The following EFCAB8 variants were observed in gnomAD, a reference collection of about 807,000 sequenced individuals.
EFCAB8 encodes EF-hand calcium binding domain 8.
A neutral mutation model predicts 116.3 loss-of-function variants in EFCAB8; 100 were observed. That is an observed-to-expected ratio of 0.86 (90% CI 0.73 to 1.02). The LOEUF is 1.02. Among genes scored for constraint, EFCAB8 ranks in the 50% least tolerant of loss-of-function variants. The pLI is 0.00. For synonymous variants in EFCAB8, 558 were observed against 567.9 expected, an observed-to-expected ratio of 0.98 and a Z score of 0.25; for missense variants, 1,320 against 1,416.9, an observed-to-expected ratio of 0.93 and a Z score of 1.10.
chr20:32,869,339 G>A (rs1984578085), intron 3 of EFCAB8, among the ~76,000 whole-genome samples: 2 of 151,986 alleles, frequency 1.3e-5, no homozygotes, highest in Admixed American at 6.6e-5. Context: ...TGGTTCAAGC[G>A]ATTCTCCTGT....
Position 32,961,352 on chromosome 20 carries a change from T to C in EFCAB8, c.3610T>C (p.Ser1204Pro). 1 of 1,476,196 alleles carries C rather than the reference T, an allele frequency of 6.8e-7. No individual in the cohort carries two copies. The highest frequency in any genetic ancestry group is 1.4e-5 in the African/African-American group (1 of 70,532). 91.4% of individuals were successfully genotyped at this position (1,476,196 alleles called of 1,614,324 possible). A position where few individuals can be genotyped will look rare whatever the true frequency, so the allele number is the denominator to read the frequency against. Residue 1204 changes from serine (S) to proline (P), a missense_variant, in exon 27 of 27, where the codon TCT becomes CCT. Transcript: ENST00000400522. ...CGCCTCCTCCCCATCTTCCTTGTTA[T>C]CTGTCACTGCCTCAGCCTCCAGGCT... is the stretch of plus-strand genomic sequence containing the variant. Reference protein sequence around the residue: ...AAASSPSSLLSVTASASRLLD... With the variant: ...AAASSPSSLLPVTASASRLLD...
chr20:32,961,183 G>A lies in EFCAB8; in HGVS notation c.3441G>A (p.Pro1147=), dbSNP rs778946040. 4.6e-5 allele frequency: 72 copies of A among 1,552,218 alleles called. No homozygotes were observed. The highest frequency in any genetic ancestry group is 5.9e-5 in the Non-Finnish European group (68 of 1,147,106). ...YQSLHFSDLM[P]TQQPDFLTSR... ...GCCTGCACTTCAGTGATCTGATGCC[G>A]ACTCAGCAGCCTGACTTCCTGACCA... Residue 1147 remains proline, a synonymous_variant, in exon 27 of 27, where the codon CCG becomes CCA. Transcript: ENST00000400522.
At chr20:32,936,300 C>G (rs933886498) in intron 22 of EFCAB8, among the ~76,000 whole-genome samples, 3 of 152,196 alleles carry the variant, frequency 2.0e-5, no homozygotes, top group African/African-American at 7.2e-5. Flanking sequence ...TCCCAAAGTG[C>G]TGGGATTACA....
chr20:32,926,172 G>A (rs1402204852), intron 20 of EFCAB8, among the ~76,000 whole-genome samples: 1 of 152,212 alleles, frequency 6.6e-6, no homozygotes, highest in Non-Finnish European at 1.5e-5. Context: ...TGGGAAGGAT[G>A]CCTCAGCTTT....
chr20:32,904,902 C>T (rs774320646), intron 11 of EFCAB8, among the ~76,000 whole-genome samples: 1 of 152,214 alleles, frequency 6.6e-6, no homozygotes, highest in South Asian at 2.1e-4. Context: ...GCTGGGATTA[C>T]AGGCGTGAGC....
intron 11 of EFCAB8, among the ~76,000 whole-genome samples, chr20:32,902,659 C>T (rs1243011257): frequency 4.6e-5 from 7 of 152,216 alleles, no homozygotes; most frequent in South Asian, 2.1e-4. Flanking sequence ...ATGTACAGGC[C>T]GGCAGGTGGC....
chr20:32,940,003 G>GCCTGCCTGCCTCCCTC (rs1988341781), intron 22 of EFCAB8, among the ~76,000 whole-genome samples: 2 of 57,930 alleles, frequency 3.5e-5, no homozygotes, highest in Admixed American at 3.6e-4. Context: ...CTGCCTGCCT[G>GCCTGCCTGCCTCCCTC]CCTCCCTCCC....
chr20:32,953,675 GTGT>G (rs1224344834), intron 23 of EFCAB8, among the ~76,000 whole-genome samples: 5 of 152,082 alleles, frequency 3.3e-5, no homozygotes, highest in Admixed American at 6.6e-5. Context: ...TTCAAATTGG[GTGT>G]TGTTGTTTTT....
rs80057366 is a variant in EFCAB8, at chr20:32,952,659, C to T, written c.2960-5762C>T. On this transcript the variant is annotated intron_variant, in intron 23 of 26. Coordinates refer to ENST00000400522, the MANE Select transcript of EFCAB8 (RefSeq NM_001143967.2). ...TTGATTTGTAGAAATTCTTTGTGTC[C>T]TGGATATGAGACCTTTAACAGGTAT... Among the ~76,000 whole-genome samples, 1,363 of 152,190 alleles carry T rather than the reference C, an allele frequency of 9.0e-3. 9 individuals carry two copies. Among genetic ancestry groups the T allele is most frequent in the Non-Finnish European group, 0.014 (930 of 68,010 alleles).
chr20:32,859,243 A>C (rs968849660), intron 1 of EFCAB8, among the ~76,000 whole-genome samples: 8 of 151,938 alleles, frequency 5.3e-5, no homozygotes, highest in Middle Eastern at 3.4e-3. Context: ...TCTGGATGGT[A>C]CTCTCCCACC....
intron 20 of EFCAB8, among the ~76,000 whole-genome samples, chr20:32,925,455 G>A (rs1987633683): frequency 6.6e-6 from 1 of 152,214 alleles, no homozygotes; most frequent in East Asian, 1.9e-4. Context: ...CTGACCTTAA[G>A]TGATCCTCTT....
chr20:32,926,660 CT>C (rs1474562030), intron 20 of EFCAB8, among the ~76,000 whole-genome samples: 1 of 126,838 alleles, frequency 7.9e-6, no homozygotes, highest in Non-Finnish European at 1.7e-5. Flanking sequence ...TCCCTCCCCC[CT>C]CCCCCGACCC....
intron 4 of EFCAB8, among the ~76,000 whole-genome samples, chr20:32,877,119 G>C (rs1462843366): frequency 1.3e-5 from 2 of 151,624 alleles, no homozygotes; most frequent in African/African-American, 2.4e-5. Context: ...GAGTCCCTGC[G>C]TTAACTGCCG....
Position 32,911,695 on chromosome 20 carries a change from G to T in EFCAB8, c.1773G>T (p.Pro591=), listed in dbSNP as rs777831103. The T allele has an allele frequency of 4.5e-6, 7 of 1,551,570 alleles. No individual in the cohort carries two copies. The highest frequency in any genetic ancestry group is 4.1e-5 in the African/African-American group (3 of 73,040). ...IGKCLLTFPS[P]EQLEISGIIH... ...AATGCCTGTTGACCTTTCCCAGTCC[G>T]GAACAGCTGGAGGTCAGTCTTGCTT... Residue 591 remains proline (P), a synonymous_variant, in exon 16 of 27, where the codon CCG becomes CCT. Coordinates refer to ENST00000400522, the MANE Select transcript of EFCAB8 (RefSeq NM_001143967.2).
At chr20:32,951,138 G>T (rs6119310) in intron 23 of EFCAB8, among the ~76,000 whole-genome samples, 1 of 152,058 alleles carries the variant, frequency 6.6e-6, no homozygotes, top group Non-Finnish European at 1.5e-5. Flanking sequence ...AAGCATTTTG[G>T]CAGTTTCTTA....
At chr20:32,893,878 C>T (rs573282209) in intron 9 of EFCAB8, among the ~76,000 whole-genome samples, 1 of 152,166 alleles carries the variant, frequency 6.6e-6, no homozygotes, top group Non-Finnish European at 1.5e-5. Context: ...GCCGCTGCTG[C>T]AGCCCATAAT....
At position 32,935,188 on chromosome 20, in the gene EFCAB8, C is replaced by CTTTTTTTTTT. The variant is rs754022404; in HGVS notation, c.2790+3855_2790+3856insTTTTTTTTTT. ...TCTCTTCTCTTTTCTTTCTTTCTTT[C>CTTTTTTTTTT]TTTCTTTTTTTTTTTTTTTTTTTTT... is the stretch of plus-strand genomic sequence containing the variant. On this transcript the variant is annotated intron_variant, in intron 22 of 26. Coordinates refer to ENST00000400522, the MANE Select transcript of EFCAB8 (RefSeq NM_001143967.2). Among the ~76,000 whole-genome samples, 108 of 66,836 alleles carry CTTTTTTTTTT rather than the reference C, an allele frequency of 1.6e-3. 3 individuals are homozygous for CTTTTTTTTTT. Among genetic ancestry groups the CTTTTTTTTTT allele is most frequent in the Non-Finnish European group, 1.8e-3 (67 of 37,348 alleles). 43.8% of individuals were successfully genotyped at this position (66,836 alleles called of 152,430 possible). A position where few individuals can be genotyped will look rare whatever the true frequency, so the allele number is the denominator to read the frequency against.
chr20:32,905,130 C>T (rs951833231), intron 11 of EFCAB8, among the ~76,000 whole-genome samples: 1 of 152,224 alleles, frequency 6.6e-6, no homozygotes, highest in Admixed American at 6.5e-5. Flanking sequence ...TCCTGGATCG[C>T]TGCTTACTGA....
chr20:32,868,625 G>T (rs1260645725), intron 3 of EFCAB8, among the ~76,000 whole-genome samples: 2 of 152,114 alleles, frequency 1.3e-5, no homozygotes, highest in East Asian at 1.9e-4. Flanking sequence ...CACAGTTCTG[G>T]TGGGGCAGGA....
Sources: gnomAD v4.1 joint callset for allele counts (sites outside exome capture counted in the v4.1 genomes callset) on GRCh38, gnomAD v4.1.1 for gene constraint, MANE v1.5 for transcripts, NCBI Gene and HGNC (gene_info 2026-07-23, HGNC 2026-07-21) for gene names.